GNG12: variants seen among roughly 807,000 people sequenced by gnomAD.
GNG12 encodes the protein guanine nucleotide-binding protein G(I)/G(S)/G(O) subunit gamma-12.
For synonymous variants in GNG12, 28 were observed against 29.7 expected (o/e 0.94, Z 0.19); for missense variants, 69 against 83.8 (o/e 0.82, Z 0.69).
chr1:67,808,398 C>T (rs1048756268), intron 1 of GNG12, among the ~76,000 whole-genome samples: 1 of 152,004 alleles, frequency 6.6e-6, no homozygotes, highest in African/African-American at 2.4e-5. Context: ...AGGAAAAAGG[C>T]CAAGATGTCC....
At chr1:67,714,918 T>G (rs1287914773) in intron 2 of GNG12, among the ~76,000 whole-genome samples, 1 of 151,988 alleles carries the variant, frequency 6.6e-6, no homozygotes, top group Non-Finnish European at 1.5e-5. Context: ...AACGGCCATC[T>G]TTTGTTTGTT....
chr1:67,820,096 A>AG (rs1173743754), intron 1 of GNG12, among the ~76,000 whole-genome samples: 1 of 151,800 alleles, frequency 6.6e-6, no homozygotes. Context: ...TTAAAAAAAA[A>AG]AAAAAAGATC....
chr1:67,780,441 T>C (rs967259896), intron 1 of GNG12, among the ~76,000 whole-genome samples: 4 of 152,192 alleles, frequency 2.6e-5, no homozygotes, highest in African/African-American at 9.7e-5. Flanking sequence ...TTTCCATTTA[T>C]TGGTTTCTCC....
chr1:67,762,996 A>G (rs1481660103), intron 2 of GNG12, among the ~76,000 whole-genome samples: 1 of 151,978 alleles, frequency 6.6e-6, no homozygotes, highest in Non-Finnish European at 1.5e-5. Context: ...TTTTATTTTG[A>G]TATAAGTTCA....
intron 1 of GNG12, 84 bp downstream of exon 1, chr1:67,833,260 C>T (rs1647063106): frequency 8.3e-6 from 3 of 359,746 alleles, no homozygotes; most frequent in Admixed American, 1.3e-4. Context: ...AGGCGGCCCC[C>T]GAACTCGCTG....
chr1:67,782,141 C>T (rs1646740965), intron 1 of GNG12, among the ~76,000 whole-genome samples: 1 of 152,094 alleles, frequency 6.6e-6, no homozygotes, highest in Non-Finnish European at 1.5e-5. Flanking sequence ...TTTTGACACA[C>T]ATAAAGGACA....
intron 1 of GNG12, among the ~76,000 whole-genome samples, chr1:67,827,959 ACCT>A (rs1194706082): frequency 6.6e-6 from 1 of 152,150 alleles, no homozygotes; most frequent in Non-Finnish European, 1.5e-5. Flanking sequence ...AAGTCAAGTC[ACCT>A]CCACCATCTG....
chr1:67,725,232 T>G (rs1481325870), intron 2 of GNG12, among the ~76,000 whole-genome samples: 3 of 152,212 alleles, frequency 2.0e-5, no homozygotes, highest in Admixed American at 2.0e-4. Context: ...AACACTGTGG[T>G]GCAGATACTC....
chr1:67,786,539 T>G (rs1049797172), intron 1 of GNG12, among the ~76,000 whole-genome samples: 3 of 152,148 alleles, frequency 2.0e-5, no homozygotes, highest in African/African-American at 7.2e-5. Flanking sequence ...TGTTGGCTCT[T>G]CCACCATCCT....
chr1:67,720,150 T>G (rs1203985053), intron 2 of GNG12, among the ~76,000 whole-genome samples: 1 of 152,212 alleles, frequency 6.6e-6, no homozygotes, highest in East Asian at 1.9e-4. Context: ...TTTCCATGCA[T>G]TTGATTAGGG....
intron 1 of GNG12, among the ~76,000 whole-genome samples, chr1:67,814,886 A>G (rs1202743351): frequency 1.3e-5 from 2 of 152,240 alleles, no homozygotes; most frequent in Non-Finnish European, 2.9e-5. Flanking sequence ...TGAACTAATT[A>G]TATTGCCCTA....
chr1:67,798,671 T>G (rs1315007337), intron 1 of GNG12, among the ~76,000 whole-genome samples: 1 of 151,940 alleles, frequency 6.6e-6, no homozygotes, highest in East Asian at 1.9e-4. Context: ...AAATAGTAAA[T>G]CTGGCTGGGC....
intron 1 of GNG12, among the ~76,000 whole-genome samples, chr1:67,827,799 C>G (rs1647019998): frequency 6.6e-6 from 1 of 152,184 alleles, no homozygotes; most frequent in Non-Finnish European, 1.5e-5. Flanking sequence ...CCCTCCTTGT[C>G]ACAGGATGGT....
intron 2 of GNG12, among the ~76,000 whole-genome samples, chr1:67,722,038 T>C (rs563893687): frequency 2.0e-4 from 30 of 152,204 alleles, no homozygotes; most frequent in Non-Finnish European, 3.4e-4. Flanking sequence ...CTTAAAGCCC[T>C]AGCATCTGAC....
chr1:67,774,915 AAGG>A (rs1259804653), intron 2 of GNG12, among the ~76,000 whole-genome samples: 1 of 152,246 alleles, frequency 6.6e-6, no homozygotes, highest in Non-Finnish European at 1.5e-5. Flanking sequence ...AGCAATTGAA[AAGG>A]AGATTTTTTC....
At chr1:67,709,924 TTATATATATAGTTATATATATATAG>T (rs1646274951) in intron 2 of GNG12, among the ~76,000 whole-genome samples, 1 of 41,346 alleles carries the variant, frequency 2.4e-5, no homozygotes, top group African/African-American at 8.8e-5. Context: ...ATATATATAG[TTATATATATAGTTATATATATATAG>T]TTATATATAT....
chr1:67,779,559 A>G (rs1646725291), intron 1 of GNG12, among the ~76,000 whole-genome samples: 1 of 152,068 alleles, frequency 6.6e-6, no homozygotes, highest in Admixed American at 6.6e-5. Context: ...CTTTCTGCCC[A>G]ACATGTCCTT....
At position 67,702,348 on chromosome 1, in the gene GNG12, C is replaced by G. The variant is rs1646220935; in HGVS notation, c.*3103G>C. On this transcript the variant is annotated 3_prime_UTR_variant, in exon 4 of 4. Coordinates refer to ENST00000370982, the MANE Select transcript of GNG12 (RefSeq NM_018841.6). ...ATTCAGAGGAATTAGTCAGATAACACTATTTTAGTTATAAATTGAGAAGGT... is the reference window on the plus strand; with the variant it reads ...ATTCAGAGGAATTAGTCAGATAACAGTATTTTAGTTATAAATTGAGAAGGT... The G allele has an allele frequency of 1.3e-5, 2 of 152,184 alleles. No homozygotes were observed. The highest frequency in any genetic ancestry group is 2.9e-5 in the Non-Finnish European group (2 of 68,034). 9.4% of individuals were successfully genotyped at this position (152,184 alleles called of 1,614,324 possible).
At chr1:67,706,798 G>A (rs1646251462) in intron 3 of GNG12, among the ~76,000 whole-genome samples, 2 of 151,852 alleles carry the variant, frequency 1.3e-5, no homozygotes, top group South Asian at 4.2e-4. Context: ...TGGGATTATA[G>A]GCGTGCGCAC....
Sources: allele counts gnomAD v4.1 joint callset (sites outside exome capture counted in the v4.1 genomes callset), GRCh38; gene constraint gnomAD v4.1.1; transcripts MANE v1.5; gene names NCBI Gene and HGNC (gene_info 2026-07-23, HGNC 2026-07-21).